The following PXDNL variants were observed in gnomAD, a reference collection of about 807,000 sequenced individuals.
The protein encoded by PXDNL is probable oxidoreductase PXDNL.
Under a neutral mutation model 150.8 loss-of-function variants are expected in PXDNL, and 145 were observed. That is an observed-to-expected ratio of 0.96 (90% CI 0.84 to 1.10). The LOEUF is 1.10. Ranked by LOEUF, PXDNL falls within the 50% of genes least tolerant of loss-of-function variation. The pLI is 0.00. For synonymous variants in PXDNL, 757 were observed against 725.7 expected (o/e 1.04, Z -0.69); for missense variants, 2,087 against 1,873.9 (o/e 1.11, Z -2.10).
chr8:51,500,619 A>G (rs570331977), intron 4 of PXDNL, among the ~76,000 whole-genome samples: 1 of 152,346 alleles, frequency 6.6e-6, no homozygotes, highest in East Asian at 1.9e-4. Context: ...TTTTCAAACA[A>G]TCTCAGTGAA....
intron 3 of PXDNL, among the ~76,000 whole-genome samples, chr8:51,576,059 CATAGTT>C (rs1197587155): frequency 7.2e-6 from 1 of 139,376 alleles, no homozygotes; most frequent in Non-Finnish European, 1.5e-5. Flanking sequence ...CAGATAAATG[CATAGTT>C]ATAGTTAAAG....
intron 1 of PXDNL, among the ~76,000 whole-genome samples, chr8:51,714,921 T>C (rs1394529004): frequency 6.6e-6 from 1 of 152,194 alleles, no homozygotes. Flanking sequence ...AAGAATAAAT[T>C]GTAAGTGCCA....
At chr8:51,593,528 A>AC (rs1813494204) in intron 2 of PXDNL, among the ~76,000 whole-genome samples, 1 of 152,176 alleles carries the variant, frequency 6.6e-6, no homozygotes, top group Admixed American at 6.5e-5. Flanking sequence ...TGGAGGATTC[A>AC]CTTTTAGCAT....
At position 51,362,420 on chromosome 8, in the gene PXDNL, T is replaced by A. The variant is rs998467646; in HGVS notation, c.3901+9453A>T. ...AACTGGCTATCTTTAAACCTTTTTG[T>A]AAAAAAACCTACATTTATAAAGGAA... On this transcript the variant is annotated intron_variant, in intron 19 of 22. Coordinates refer to ENST00000356297, the MANE Select transcript of PXDNL (RefSeq NM_144651.5). 3.3e-5 allele frequency among the ~76,000 whole-genome samples: 5 copies of A among 152,210 alleles called. 1 individual carries two copies. The highest frequency in any genetic ancestry group is 7.3e-5 in the Non-Finnish European group (5 of 68,030).
At chr8:51,695,715 C>T (rs1480649058) in intron 1 of PXDNL, among the ~76,000 whole-genome samples, 2 of 152,080 alleles carry the variant, frequency 1.3e-5, no homozygotes, top group Admixed American at 6.6e-5. Context: ...TCAACTTGTT[C>T]GTTATTTTAA....
At chr8:51,388,919 A>AT (rs968613283) in intron 17 of PXDNL, among the ~76,000 whole-genome samples, 1 of 151,982 alleles carries the variant, frequency 6.6e-6, no homozygotes, top group African/African-American at 2.4e-5. Flanking sequence ...AAATACCTGT[A>AT]TTTTTACCTT....
chr8:51,635,676 G>T (rs1323941919), intron 2 of PXDNL, among the ~76,000 whole-genome samples: 1 of 151,812 alleles, frequency 6.6e-6, no homozygotes, highest in African/African-American at 2.4e-5. Flanking sequence ...ATCTGAGTGG[G>T]GGGCGAAGTA....
chr8:51,464,100 A>G (rs1459581160), intron 8 of PXDNL, among the ~76,000 whole-genome samples: 1 of 152,072 alleles, frequency 6.6e-6, no homozygotes, highest in Non-Finnish European at 1.5e-5. Flanking sequence ...ACAGTGGCTC[A>G]TGCCTGTAAT....
At chr8:51,791,008 G>A (rs1394231264) in intron 1 of PXDNL, among the ~76,000 whole-genome samples, 2 of 151,948 alleles carry the variant, frequency 1.3e-5, no homozygotes, top group Non-Finnish European at 2.9e-5. Flanking sequence ...ACTAATAGGT[G>A]CAGCTAACAT....
intron 5 of PXDNL, among the ~76,000 whole-genome samples, chr8:51,492,416 A>C (rs1821113): frequency 3.3e-4 from 50 of 152,136 alleles, no homozygotes; most frequent in Non-Finnish European, 5.0e-4. Context: ...ATCTCACTGG[A>C]GAGTGTCAGA....
intron 1 of PXDNL, among the ~76,000 whole-genome samples, chr8:51,774,891 G>A (rs1563317522): frequency 2.0e-5 from 3 of 152,078 alleles, no homozygotes; most frequent in Admixed American, 6.6e-5. Flanking sequence ...AAAATGTCAA[G>A]AAAAATACAT....
rs559693480 is a variant in PXDNL, at chr8:51,354,485, G to A, written c.3902-8538C>T. On this transcript the variant is annotated intron_variant, in intron 19 of 22. Coordinates refer to ENST00000356297, the MANE Select transcript of PXDNL (RefSeq NM_144651.5). ...ATATGAAAAATTAGCTTAAATTGATGTTAAAATGTCAAGATTGTTGCATTT... is the reference window on the plus strand; with the variant it reads ...ATATGAAAAATTAGCTTAAATTGATATTAAAATGTCAAGATTGTTGCATTT... 2.6e-5 allele frequency among the ~76,000 whole-genome samples: 4 copies of A among 152,168 alleles called. No individual in the cohort carries two copies. In the East Asian group the frequency reaches 7.7e-4, roughly 29 times the overall value.
chr8:51,766,292 C>T (rs951117678), intron 1 of PXDNL, among the ~76,000 whole-genome samples: 1 of 152,284 alleles, frequency 6.6e-6, no homozygotes, highest in Non-Finnish European at 1.5e-5. Context: ...TATTGTCATG[C>T]AAATTTCACC....
intron 11 of PXDNL, 50 bp downstream of exon 11, chr8:51,448,952 A>G: frequency 1.1e-6 from 1 of 941,622 alleles, no homozygotes; most frequent in Non-Finnish European, 1.7e-6. Flanking sequence ...TACTATCCAC[A>G]AAAGAAGGCA....
chr8:51,574,331 C>A (rs61277312), intron 3 of PXDNL, among the ~76,000 whole-genome samples: 10,776 of 151,772 alleles, frequency 0.071, 986 homozygotes, highest in African/African-American at 0.22. Flanking sequence ...AAAATAAGTG[C>A]ACTTGATGAA....
chr8:51,596,347 C>G (rs149778369), intron 2 of PXDNL, among the ~76,000 whole-genome samples: 3 of 152,174 alleles, frequency 2.0e-5, no homozygotes, highest in Non-Finnish European at 2.9e-5. Flanking sequence ...ATGTAGAGAG[C>G]TGTGATTAAC....
chr8:51,348,920 C>T (rs1422990509), intron 19 of PXDNL, among the ~76,000 whole-genome samples: 2 of 152,142 alleles, frequency 1.3e-5, no homozygotes, highest in African/African-American at 4.8e-5. Context: ...AAGTTAACTC[C>T]TAGATTTCTG....
chr8:51,654,297 A>C (rs1815105161), intron 2 of PXDNL, among the ~76,000 whole-genome samples: 1 of 152,146 alleles, frequency 6.6e-6, no homozygotes. Flanking sequence ...TTAGAGTATC[A>C]CAAATAAGAA....
At position 51,447,023 on chromosome 8, in the gene PXDNL, CT is replaced by C; in HGVS notation, c.1505del (p.Gln502ArgfsTer2). On this transcript the variant is annotated frameshift_variant, in exon 12 of 23. Transcript: ENST00000356297. LOFTEE classifies it high-confidence loss of function. ...TATTACCTTTGGGTTTTACAGTCAGCTGCACAGACACCTTTTTCACCCCCAA... is the reference window on the plus strand; with the variant it reads ...TATTACCTTTGGGTTTTACAGTCAGCGCACAGACACCTTTTTCACCCCCAA... ...SSLGVKKVSV[Q>X]LTVKPKALAV... The C allele has an allele frequency of 6.2e-7, 1 of 1,613,946 alleles. No individual in the cohort carries two copies. Among genetic ancestry groups the C allele is most frequent in the South Asian group, 1.1e-5 (1 of 91,082 alleles).
Sources: gnomAD v4.1 joint callset for allele counts (sites outside exome capture counted in the v4.1 genomes callset) on GRCh38, gnomAD v4.1.1 for gene constraint, MANE v1.5 for transcripts, NCBI Gene and HGNC (gene_info 2026-07-23, HGNC 2026-07-21) for gene names.